Variants in PTPRD observed in about 807,000 individuals in gnomAD.
PTPRD encodes receptor-type tyrosine-protein phosphatase delta.
In PTPRD, 34 loss-of-function variants were observed where a neutral mutation model predicts 214.5. That is an observed-to-expected ratio of 0.16 (90% CI 0.12 to 0.21). The LOEUF (loss-of-function observed/expected upper bound fraction) is 0.21. PTPRD is among the 10% of genes least tolerant of loss of function. PTPRD has a pLI of 1.00. For synonymous variants in PTPRD, 1,128 were observed against 845.7 expected, an observed-to-expected ratio of 1.33 and a Z score of -5.79; for missense variants, 2,545 against 2,398.7, an observed-to-expected ratio of 1.06 and a Z score of -1.27.
chr9:8,347,078 T>TC (rs2074036806), intron 39 of PTPRD, among the ~76,000 whole-genome samples: 1 of 150,986 alleles, frequency 6.6e-6, no homozygotes, highest in African/African-American at 2.4e-5. Flanking sequence ...TTGGATCATA[T>TC]CCCCTGCGGA....
Position 8,924,099 on chromosome 9 carries a change from A to G in PTPRD, c.-104+94598T>C, listed in dbSNP as rs150293807. On this transcript the variant is annotated intron_variant, in intron 11 of 45. Transcript: ENST00000381196. ...ATTATGTCTACTATTTGTCTTCATAAGGCGCAGTCCCAGGGGCCTAAGCTA... is the reference window on the plus strand; with the variant it reads ...ATTATGTCTACTATTTGTCTTCATAGGGCGCAGTCCCAGGGGCCTAAGCTA... Among the ~76,000 whole-genome samples, 789 of 132,806 alleles carry G rather than the reference A, an allele frequency of 5.9e-3. 7 individuals carry two copies. Among genetic ancestry groups the G allele is most frequent in the African/African-American group, 0.022 (761 of 34,738 alleles). The allele number at this position is 132,806 out of a possible 152,430, so 87.1% of individuals were successfully genotyped here.
chr9:9,654,544 A>G (rs2096460694), intron 7 of PTPRD, among the ~76,000 whole-genome samples: 1 of 152,174 alleles, frequency 6.6e-6, no homozygotes, highest in African/African-American at 2.4e-5. Flanking sequence ...AGAATGTGGA[A>G]ATAAACAAAA....
chr9:10,003,019 A>T (rs1226360913), intron 4 of PTPRD, among the ~76,000 whole-genome samples: 1 of 151,806 alleles, frequency 6.6e-6, no homozygotes, highest in Non-Finnish European at 1.5e-5. Flanking sequence ...ATTACAAATC[A>T]ATTATAAGAG....
chr9:8,700,116 T>A (rs750940004), intron 12 of PTPRD, among the ~76,000 whole-genome samples: 1 of 152,192 alleles, frequency 6.6e-6, no homozygotes, highest in Non-Finnish European at 1.5e-5. Flanking sequence ...TTTCAAATAG[T>A]TTGTATTTTC....
At chr9:10,236,739 T>C (rs988661788) in intron 3 of PTPRD, among the ~76,000 whole-genome samples, 1 of 151,890 alleles carries the variant, frequency 6.6e-6, no homozygotes, top group Admixed American at 6.6e-5. Context: ...ATTTAATACC[T>C]CTATTTTGAA....
chr9:8,883,028 C>T lies in PTPRD; in HGVS notation c.-104+135669G>A, dbSNP rs866566898. On this transcript the variant is annotated intron_variant, in intron 11 of 45. Coordinates refer to ENST00000381196, the MANE Select transcript of PTPRD (RefSeq NM_002839.4). ...ATTGCATACCCACACATACTTTTTT[C>T]CCCCCACAGTGAATACTGGTCTGCT... Among the ~76,000 whole-genome samples the T allele has an allele frequency of 7.4e-3, 1,096 of 147,782 alleles. 15 individuals carry two copies. Among genetic ancestry groups the T allele is most frequent in the African/African-American group, 0.025 (1,037 of 40,778 alleles).
chr9:8,451,100 C>T (rs1190761136), intron 33 of PTPRD, among the ~76,000 whole-genome samples: 1 of 152,154 alleles, frequency 6.6e-6, no homozygotes, highest in African/African-American at 2.4e-5. Context: ...CCTTTCTTCC[C>T]ATTTCTGCTC....
chr9:8,743,803 T>C (rs763444171), intron 11 of PTPRD, among the ~76,000 whole-genome samples: 2 of 94,306 alleles, frequency 2.1e-5, no homozygotes, highest in East Asian at 2.4e-4. Context: ...ATAACAATAA[T>C]AATAATAATA....
intron 30 of PTPRD, among the ~76,000 whole-genome samples, chr9:8,474,896 A>G (rs780544099): frequency 3.3e-5 from 5 of 151,806 alleles, no homozygotes; most frequent in Non-Finnish European, 7.4e-5. Context: ...ATTGTTTTCA[A>G]TCTTCTCACT....
At chr9:8,436,763 A>G in intron 34 of PTPRD, 74 bp from the exon 35 acceptor site, 1 of 1,163,132 alleles carries the variant, frequency 8.6e-7, no homozygotes. Flanking sequence ...AAATATAGAG[A>G]ATACTATAGT....
At chr9:10,361,834 C>G (rs759912806) in intron 2 of PTPRD, among the ~76,000 whole-genome samples, 1 of 152,118 alleles carries the variant, frequency 6.6e-6, no homozygotes, top group Non-Finnish European at 1.5e-5. Context: ...TACCAATAAA[C>G]TATACTGAGG....
intron 3 of PTPRD, among the ~76,000 whole-genome samples, chr9:10,295,018 T>A (rs1215179300): frequency 6.6e-6 from 1 of 152,032 alleles, no homozygotes; most frequent in African/African-American, 2.4e-5. Flanking sequence ...TATGGTGATT[T>A]AATACGACAT....
At chr9:9,884,431 T>C (rs1000861093) in intron 5 of PTPRD, among the ~76,000 whole-genome samples, 3 of 152,166 alleles carry the variant, frequency 2.0e-5, no homozygotes, top group Non-Finnish European at 4.4e-5. Flanking sequence ...AAGAAAGCCC[T>C]TCCTCAATAT....
At chr9:9,625,694 G>C (rs2095405421) in intron 7 of PTPRD, among the ~76,000 whole-genome samples, 1 of 152,166 alleles carries the variant, frequency 6.6e-6, no homozygotes, top group Non-Finnish European at 1.5e-5. Flanking sequence ...TATTGCAGAT[G>C]GTATGGGTCG....
chr9:10,113,852 C>T (rs949325565), intron 3 of PTPRD, among the ~76,000 whole-genome samples: 1 of 152,130 alleles, frequency 6.6e-6, no homozygotes, highest in Non-Finnish European at 1.5e-5. Context: ...ACATGGGCCA[C>T]ATTTTGATTA....
chr9:10,129,090 T>C (rs2098840043), intron 3 of PTPRD, among the ~76,000 whole-genome samples: 1 of 152,170 alleles, frequency 6.6e-6, no homozygotes, highest in Non-Finnish European at 1.5e-5. Context: ...ACAAATAATG[T>C]ATTTCAACTC....
At chr9:9,599,891 A>G (rs556613666) in intron 7 of PTPRD, among the ~76,000 whole-genome samples, 27 of 152,198 alleles carry the variant, frequency 1.8e-4, no homozygotes, top group African/African-American at 6.3e-4. Flanking sequence ...GTAAAACTCA[A>G]TTTAAGGATA....
At chr9:8,508,240 T>C (rs2097580883) in intron 21 of PTPRD, among the ~76,000 whole-genome samples, 1 of 152,330 alleles carries the variant, frequency 6.6e-6, no homozygotes, top group South Asian at 2.1e-4. Flanking sequence ...TTGGAAGAGC[T>C]GTTTATCAGC....
At chr9:9,767,011 T>A (rs2098712115) in intron 5 of PTPRD, among the ~76,000 whole-genome samples, 160 bp from the exon 6 acceptor site, 1 of 151,952 alleles carries the variant, frequency 6.6e-6, no homozygotes, top group Non-Finnish European at 1.5e-5. Flanking sequence ...TTATCTTTTT[T>A]TTTTAATTAA....
Sources: gnomAD v4.1 joint callset for allele counts (sites outside exome capture counted in the v4.1 genomes callset) on GRCh38, gnomAD v4.1.1 for gene constraint, MANE v1.5 for transcripts, NCBI Gene and HGNC (gene_info 2026-07-23, HGNC 2026-07-21) for gene names.